Variants in POU2F1 observed in about 807,000 individuals in gnomAD.
The protein encoded by POU2F1 is POU class 2 homeobox 1.
In POU2F1, 16 loss-of-function variants were observed where a neutral mutation model predicts 84.9. The ratio of observed to expected loss-of-function variants is 0.19; its 90% CI spans 0.13 to 0.29. The LOEUF (loss-of-function observed/expected upper bound fraction) is 0.29, where lower values mean the gene tolerates loss of function less well. Among genes scored for constraint, POU2F1 ranks in the 10% least tolerant of loss-of-function variants. POU2F1 has a pLI of 1.00. For synonymous variants in POU2F1, 368 were observed against 368.3 expected (o/e 1.00, Z 0.01); for missense variants, 738 against 942.6 (o/e 0.78, Z 2.84).
intron 10 of POU2F1, chr1:167,396,868 A>G (rs1320217552): frequency 6.5e-6 from 1 of 153,906 alleles, no homozygotes; most frequent in Non-Finnish European, 1.4e-5. Context: ...AAGTTGGACT[A>G]CTAGCTTTGT....
rs533149817 is a variant in POU2F1 at position 167,347,346 on chromosome 1, AG to A, written c.127+14813del. Among the ~76,000 whole-genome samples, 3 of 152,308 alleles carry A rather than the reference AG, an allele frequency of 2.0e-5. No homozygotes were observed. The South Asian group carries it at 6.2e-4, about 32-fold the overall frequency. On this transcript the variant is annotated intron_variant, in intron 2 of 15. Transcript: ENST00000367866. Reference sequence around the variant, plus strand: ...ACAAACTCATGTTCCAAAATTTCTCAGGCCCTTATTCAAGAAATTGTTAATC... The same window carrying A: ...ACAAACTCATGTTCCAAAATTTCTCAGCCCTTATTCAAGAAATTGTTAATC...
intron 1 of POU2F1, among the ~76,000 whole-genome samples, chr1:167,285,717 T>G (rs1653482206): frequency 6.6e-6 from 1 of 152,224 alleles, no homozygotes; most frequent in African/African-American, 2.4e-5. Context: ...TGCCGTATCC[T>G]GGGCTAGTGC....
intron 1 of POU2F1, among the ~76,000 whole-genome samples, chr1:167,266,612 A>G (rs1479778249): frequency 6.6e-6 from 1 of 151,592 alleles, no homozygotes; most frequent in East Asian, 1.9e-4. Flanking sequence ...ACAATTTGGT[A>G]ATACTATTAA....
chr1:167,303,880 A>G (rs938064916), intron 1 of POU2F1, among the ~76,000 whole-genome samples: 7 of 152,178 alleles, frequency 4.6e-5, no homozygotes, highest in African/African-American at 1.7e-4. Context: ...ATATTTTTAT[A>G]TCATCTTTAT....
intron 1 of POU2F1, among the ~76,000 whole-genome samples, chr1:167,278,658 T>C (rs747217880): frequency 6.6e-6 from 1 of 152,226 alleles, no homozygotes; most frequent in African/African-American, 2.4e-5. Context: ...TCAGATTGTC[T>C]GGGAACTTTA....
chr1:167,316,498 G>GA (rs1655913699), intron 1 of POU2F1, among the ~76,000 whole-genome samples: 1 of 152,190 alleles, frequency 6.6e-6, no homozygotes, highest in African/African-American at 2.4e-5. Flanking sequence ...ACAATACAGG[G>GA]AAAAGAAGGG....
intron 2 of POU2F1, among the ~76,000 whole-genome samples, chr1:167,353,442 T>G (rs1487485325): frequency 2.6e-5 from 4 of 152,118 alleles, no homozygotes. Flanking sequence ...TTCAGGTTTC[T>G]GCCCTATCTT....
intron 13 of POU2F1, among the ~76,000 whole-genome samples, chr1:167,407,983 C>T (rs1649700491): frequency 6.6e-6 from 1 of 151,980 alleles, no homozygotes; most frequent in Admixed American, 6.6e-5. Context: ...ATCACATATC[C>T]AATAAAGAAA....
At chr1:167,376,429 A>T in intron 7 of POU2F1, 1 of 302,190 alleles carries the variant, frequency 3.3e-6, no homozygotes, top group Non-Finnish European at 6.0e-6. Flanking sequence ...ATTATTCAAC[A>T]TGCCAAACAT....
intron 1 of POU2F1, among the ~76,000 whole-genome samples, chr1:167,309,698 G>A (rs1655326834): frequency 6.6e-6 from 1 of 152,084 alleles, no homozygotes; most frequent in Non-Finnish European, 1.5e-5. Context: ...TTAGTTCCAT[G>A]TTGATGGAAA....
intron 1 of POU2F1, among the ~76,000 whole-genome samples, chr1:167,290,011 G>A (rs1653803349): frequency 6.6e-6 from 1 of 152,146 alleles, no homozygotes; most frequent in Non-Finnish European, 1.5e-5. Context: ...TACAGTTTAA[G>A]CACTTAGTTC....
chr1:167,342,866 T>G (rs1657952346), intron 2 of POU2F1, among the ~76,000 whole-genome samples: 1 of 152,174 alleles, frequency 6.6e-6, no homozygotes, highest in African/African-American at 2.4e-5. Flanking sequence ...AGCCTGAGAG[T>G]AGAAATACTA....
At chr1:167,262,246 A>G (rs1382704379) in intron 1 of POU2F1, among the ~76,000 whole-genome samples, 1 of 152,078 alleles carries the variant, frequency 6.6e-6, no homozygotes, top group Non-Finnish European at 1.5e-5. Context: ...GGCATATTGC[A>G]GCCTCAGGCT....
In POU2F1 at chr1:167,315,370, T is replaced by C. The variant is rs1655809059; in HGVS notation, c.62-17100T>C. Among the ~76,000 whole-genome samples the C allele has an allele frequency of 2.0e-5, 3 of 152,350 alleles. No individual in the cohort carries two copies. In the South Asian group the frequency reaches 6.2e-4, roughly 32 times the overall value. The stretch of plus-strand genomic sequence containing the variant: ...CTTTGCCAATATTTTTCCCCAGTGT[T>C]GACTTGTCATCCTCTTTACCTCCTA... On this transcript the variant is annotated intron_variant, in intron 1 of 15. Coordinates refer to ENST00000367866, the MANE Select transcript of POU2F1 (RefSeq NM_002697.4).
chr1:167,372,117 A>C, intron 5 of POU2F1, 81 bp downstream of exon 5: 1 of 1,510,980 alleles, frequency 6.6e-7, no homozygotes, highest in Non-Finnish European at 8.9e-7. Flanking sequence ...AGAATTGTTC[A>C]CCATAGCTGG....
intron 11 of POU2F1, 47 bp from the exon 12 acceptor site, chr1:167,399,139 G>C: frequency 6.5e-7 from 1 of 1,542,224 alleles, no homozygotes; most frequent in Non-Finnish European, 8.8e-7. Context: ...AGTTCAAAAA[G>C]TTATTGCAAA....
At chr1:167,283,557 A>G (rs942438051) in intron 1 of POU2F1, among the ~76,000 whole-genome samples, 1 of 152,196 alleles carries the variant, frequency 6.6e-6, no homozygotes, top group African/African-American at 2.4e-5. Context: ...ATTTCTTAAG[A>G]CGTGACAGCA....
chr1:167,274,734 A>G (rs576230484), intron 1 of POU2F1, among the ~76,000 whole-genome samples: 6 of 152,256 alleles, frequency 3.9e-5, no homozygotes, highest in Admixed American at 3.9e-4. Context: ...TTTGGTTGTC[A>G]TTTGTTCATA....
intron 1 of POU2F1, among the ~76,000 whole-genome samples, chr1:167,236,131 G>A (rs1649435783): frequency 6.6e-6 from 1 of 151,200 alleles, no homozygotes; most frequent in African/African-American, 2.4e-5. Context: ...TTAGACAGAC[G>A]ATTGCTCTGT....
Sources: allele counts gnomAD v4.1 joint callset (sites outside exome capture counted in the v4.1 genomes callset), GRCh38; gene constraint gnomAD v4.1.1; transcripts MANE v1.5; gene names NCBI Gene and HGNC (gene_info 2026-07-23, HGNC 2026-07-21).